The following DKK2 variants were observed in gnomAD, a reference collection of about 807,000 sequenced individuals.
DKK2 encodes the protein dickkopf Wnt signaling pathway inhibitor 2.
A neutral mutation model predicts 28.1 loss-of-function variants in DKK2; 11 were observed. That is an observed-to-expected ratio of 0.39 (90% CI 0.25 to 0.65). The LOEUF (loss-of-function observed/expected upper bound fraction) is 0.65, where lower values mean the gene tolerates loss of function less well. Ranked by LOEUF, DKK2 falls within the 30% of genes least tolerant of loss-of-function variation. The pLI is 0.47. For synonymous variants in DKK2, 135 were observed against 126.5 expected, an observed-to-expected ratio of 1.07 and a Z score of -0.45; for missense variants, 326 against 335.5, an observed-to-expected ratio of 0.97 and a Z score of 0.22.
At chr4:106,993,528 G>A (rs548174010) in intron 1 of DKK2, among the ~76,000 whole-genome samples, 99 of 152,046 alleles carry the variant, frequency 6.5e-4, no homozygotes, top group Non-Finnish European at 1.9e-4. Context: ...CTGACAGATT[G>A]AATTGCTGGA....
intron 1 of DKK2, among the ~76,000 whole-genome samples, chr4:106,946,421 C>T (rs2110345422): frequency 6.6e-6 from 1 of 152,018 alleles, no homozygotes; most frequent in South Asian, 2.1e-4. Flanking sequence ...CAAGATTAGC[C>T]ATGAGTTAAA....
chr4:106,965,700 T>G (rs1722769640), intron 1 of DKK2, among the ~76,000 whole-genome samples: 1 of 148,236 alleles, frequency 6.7e-6, no homozygotes, highest in Admixed American at 6.8e-5. Flanking sequence ...ACCCACTAAC[T>G]CGTCATCTAG....
intron 1 of DKK2, among the ~76,000 whole-genome samples, chr4:107,017,935 C>T (rs62314198): frequency 5.9e-5 from 9 of 152,080 alleles, no homozygotes; most frequent in Non-Finnish European, 1.2e-4. Flanking sequence ...AAATTTTTAG[C>T]TTTGTTTGTT....
chr4:106,944,213 A>G (rs1724745251), intron 1 of DKK2, among the ~76,000 whole-genome samples: 1 of 152,050 alleles, frequency 6.6e-6, no homozygotes, highest in Admixed American at 6.6e-5. Flanking sequence ...CATTTTTCCA[A>G]ATGCTTGCCT....
At chr4:106,992,791 C>T (rs145115034) in intron 1 of DKK2, among the ~76,000 whole-genome samples, 212 of 152,250 alleles carry the variant, frequency 1.4e-3, no homozygotes, top group African/African-American at 4.8e-3. Context: ...AATATGTGCT[C>T]GAAATCCTAC....
intron 1 of DKK2, among the ~76,000 whole-genome samples, chr4:106,986,500 C>T (rs1054085508): frequency 2.6e-5 from 4 of 152,164 alleles, no homozygotes; most frequent in Admixed American, 2.0e-4. Flanking sequence ...AGACAAAGTG[C>T]TAAATATATA....
At chr4:106,965,234 T>C (rs1033655069) in intron 1 of DKK2, among the ~76,000 whole-genome samples, 1 of 152,210 alleles carries the variant, frequency 6.6e-6, no homozygotes, top group Non-Finnish European at 1.5e-5. Flanking sequence ...AGATACAAAA[T>C]TGAAATATGT....
chr4:106,972,768 C>T (rs912111745), intron 1 of DKK2, among the ~76,000 whole-genome samples: 1 of 152,046 alleles, frequency 6.6e-6, no homozygotes, highest in African/African-American at 2.4e-5. Context: ...ACTTTAAGTT[C>T]TCAGATACAT....
Position 107,025,484 on chromosome 4 carries a change from C to G in DKK2, c.222+9886G>C, listed in dbSNP as rs573811498. Among the ~76,000 whole-genome samples the G allele has an allele frequency of 4.6e-4, 70 of 152,160 alleles. 2 individuals are homozygous for G. In the South Asian group the frequency reaches 0.015, roughly 32 times the overall value. ...GAGTGTGAGTGGAGGAGGGAGGAGA[C>G]AGAATCACAATGTAAAATATATTTC... On this transcript the variant is annotated intron_variant, in intron 1 of 3. Coordinates refer to ENST00000285311, the MANE Select transcript of DKK2 (RefSeq NM_014421.3).
intron 1 of DKK2, among the ~76,000 whole-genome samples, chr4:106,983,013 A>AAGG (rs1723049017): frequency 1.3e-5 from 2 of 150,052 alleles, no homozygotes; most frequent in African/African-American, 2.5e-5. Context: ...AAAAAGAGAG[A>AAGG]AAGGAAGGAA....
intron 1 of DKK2, among the ~76,000 whole-genome samples, chr4:106,988,166 A>G (rs113228836): frequency 0.01 from 1,564 of 152,258 alleles, 23 homozygotes; most frequent in African/African-American, 0.034. Flanking sequence ...ACCCGGCCCA[A>G]TGTTACCCTC....
intron 1 of DKK2, among the ~76,000 whole-genome samples, chr4:106,990,294 T>C (rs1026835717): frequency 5.9e-5 from 9 of 152,206 alleles, no homozygotes; most frequent in African/African-American, 2.2e-4. Flanking sequence ...AATTGGATGA[T>C]GCAGATTTAG....
chr4:107,013,079 T>C (rs1052914203), intron 1 of DKK2, among the ~76,000 whole-genome samples: 1 of 151,228 alleles, frequency 6.6e-6, no homozygotes, highest in Non-Finnish European at 1.5e-5. Context: ...CCCAACTCCT[T>C]GACTCCCTCC....
At chr4:107,033,489 A>G (rs1286211176) in intron 1 of DKK2, among the ~76,000 whole-genome samples, 1 of 152,214 alleles carries the variant, frequency 6.6e-6, no homozygotes, top group Admixed American at 6.5e-5. Context: ...AGGTTCTGGG[A>G]TGCATCCCTC....
intron 1 of DKK2, among the ~76,000 whole-genome samples, chr4:106,935,420 C>T (rs146362864): frequency 0.012 from 1,817 of 152,348 alleles, 12 homozygotes; most frequent in Non-Finnish European, 0.019. Flanking sequence ...GCTTAAAAAA[C>T]GGCACACCAT....
Position 106,923,115 on chromosome 4 carries a change from T to A in DKK2, c.*839A>T, listed in dbSNP as rs969956711. The A allele has an allele frequency of 6.6e-6, 1 of 152,172 alleles. No individual in the cohort carries two copies. The highest frequency in any genetic ancestry group is 2.4e-5 in the African/African-American group (1 of 41,442). 9.4% of individuals were successfully genotyped at this position (152,172 alleles called of 1,614,324 possible). A position where few individuals can be genotyped will look rare whatever the true frequency, so the allele number is the denominator to read the frequency against. ...TGAAAATTCTGCTCTGTGTAAGTATTTTACTAGTCACAATTTATGGGTATA... is the reference window on the plus strand; with the variant it reads ...TGAAAATTCTGCTCTGTGTAAGTATATTACTAGTCACAATTTATGGGTATA... On this transcript the variant is annotated 3_prime_UTR_variant, in exon 4 of 4. Coordinates refer to ENST00000285311, the MANE Select transcript of DKK2 (RefSeq NM_014421.3).
intron 1 of DKK2, among the ~76,000 whole-genome samples, chr4:106,949,994 A>T (rs1724835331): frequency 6.6e-6 from 1 of 152,210 alleles, no homozygotes. Flanking sequence ...AGAGCTTTAC[A>T]GGCAATGACT....
chr4:106,961,803 C>G lies in DKK2; in HGVS notation c.223-35854G>C, dbSNP rs578205959. On this transcript the variant is annotated intron_variant, in intron 1 of 3. Coordinates refer to ENST00000285311, the MANE Select transcript of DKK2 (RefSeq NM_014421.3). ...AAACTGTTGACTTTGGGCAAGTTAC[C>G]GCACCTCTCTGTGCATCTGTAAAAT... is the stretch of plus-strand genomic sequence containing the variant. Among the ~76,000 whole-genome samples, 172 of 152,120 alleles carry G rather than the reference C, an allele frequency of 1.1e-3. 1 individual carries two copies. The highest frequency in any genetic ancestry group is 4.0e-3 in the African/African-American group (164 of 41,490).
At chr4:107,028,960 G>A (rs1723834735) in intron 1 of DKK2, among the ~76,000 whole-genome samples, 1 of 152,118 alleles carries the variant, frequency 6.6e-6, no homozygotes, top group South Asian at 2.1e-4. Context: ...TCTACTTGGG[G>A]TGACACTATA....
Sources: allele counts gnomAD v4.1 joint callset (sites outside exome capture counted in the v4.1 genomes callset), GRCh38; gene constraint gnomAD v4.1.1; transcripts MANE v1.5; gene names NCBI Gene and HGNC (gene_info 2026-07-23, HGNC 2026-07-21).